Variants in ERC2 observed in about 807,000 individuals in gnomAD.
The protein encoded by ERC2 is ELKS/RAB6-interacting/CAST family member 2, also known as ERC protein 2.
Under a neutral mutation model 114.8 loss-of-function variants are expected in ERC2, and 42 were observed. The observed-to-expected ratio is 0.37, with a 90% CI of 0.29 to 0.47. ERC2 has a LOEUF of 0.47. Ranked by LOEUF, ERC2 falls within the 20% of genes least tolerant of loss-of-function variation. The pLI, the probability that ERC2 is intolerant of heterozygous loss-of-function variation, is 0.99. For synonymous variants in ERC2, 454 were observed against 425.5 expected (o/e 1.07, Z -0.82); for missense variants, 939 against 1,150.7 (o/e 0.82, Z 2.66).
chr3:55,934,241 G>A (rs2066301584), intron 13 of ERC2, among the ~76,000 whole-genome samples: 1 of 152,156 alleles, frequency 6.6e-6, no homozygotes, highest in Non-Finnish European at 1.5e-5. Flanking sequence ...CAGTGCAAAA[G>A]TATCAGAACA....
intron 2 of ERC2, among the ~76,000 whole-genome samples, chr3:56,417,086 T>C (rs745902365): frequency 5.3e-5 from 8 of 152,168 alleles, no homozygotes; most frequent in African/African-American, 1.7e-4. Context: ...ATGAGCAAAA[T>C]AGGCCAAAGT....
chr3:55,621,468 G>A (rs527239116), intron 17 of ERC2, among the ~76,000 whole-genome samples: 286 of 152,194 alleles, frequency 1.9e-3, no homozygotes, highest in African/African-American at 3.1e-3. Context: ...GTGAAATATC[G>A]CTTATCTACT....
At chr3:56,350,942 G>A (rs1042270830) in intron 2 of ERC2, among the ~76,000 whole-genome samples, 3 of 152,158 alleles carry the variant, frequency 2.0e-5, no homozygotes, top group African/African-American at 7.2e-5. Flanking sequence ...AAATTTTACA[G>A]GTGAGACTAC....
intron 3 of ERC2, among the ~76,000 whole-genome samples, chr3:56,208,406 G>C (rs73831906): frequency 3.3e-5 from 5 of 152,160 alleles, no homozygotes; most frequent in Non-Finnish European, 5.9e-5. Flanking sequence ...TTTGTTTACA[G>C]TTAAGTTCCA....
chr3:55,850,665 G>A (rs2061530828), intron 14 of ERC2, among the ~76,000 whole-genome samples: 1 of 152,056 alleles, frequency 6.6e-6, no homozygotes, highest in African/African-American at 2.4e-5. Flanking sequence ...AGAGAATGTT[G>A]GAAAATATAT....
chr3:56,213,278 G>A (rs1432261176), intron 3 of ERC2, among the ~76,000 whole-genome samples: 1 of 152,214 alleles, frequency 6.6e-6, no homozygotes, highest in Non-Finnish European at 1.5e-5. Context: ...AAGGAAAGGG[G>A]TGACAGATGG....
chr3:55,908,441 T>C (rs904350554), intron 13 of ERC2, among the ~76,000 whole-genome samples: 1 of 151,930 alleles, frequency 6.6e-6, no homozygotes, highest in Non-Finnish European at 1.5e-5. Flanking sequence ...CCAGGAAATG[T>C]TCAGAAAGCA....
intron 11 of ERC2, among the ~76,000 whole-genome samples, chr3:55,988,160 A>T (rs551479248): frequency 1.3e-5 from 2 of 152,322 alleles, no homozygotes; most frequent in East Asian, 3.9e-4. Flanking sequence ...CTGACACAGA[A>T]GCACTGCATA....
chr3:55,572,402 A>G (rs1028050216), intron 17 of ERC2, among the ~76,000 whole-genome samples: 2 of 152,202 alleles, frequency 1.3e-5, no homozygotes, highest in African/African-American at 4.8e-5. Flanking sequence ...TCAATCCTCA[A>G]TATCATCTCC....
chr3:55,525,466 G>C (rs1248047219), intron 17 of ERC2, among the ~76,000 whole-genome samples: 1 of 152,144 alleles, frequency 6.6e-6, no homozygotes, highest in Non-Finnish European at 1.5e-5. Context: ...TGTCAGAGAG[G>C]GCCAGCAAAC....
intron 12 of ERC2, among the ~76,000 whole-genome samples, chr3:55,962,147 A>C (rs1055205355): frequency 2.0e-5 from 3 of 152,252 alleles, no homozygotes; most frequent in African/African-American, 7.2e-5. Flanking sequence ...AAAGAAAAAA[A>C]AGCCTGGGTA....
In ERC2 at chr3:56,290,409, G is replaced by A. The variant is rs143170418; in HGVS notation, c.1074+5610C>T. 1.1e-3 allele frequency among the ~76,000 whole-genome samples: 170 copies of A among 152,318 alleles called. 5 individuals are homozygous for A. The East Asian group carries it at 0.031, about 27-fold the overall frequency. ...GAAATTTACTGTATTAAAATAGGGA[G>A]CAATTGTTAAGTTCTGTAATATGTA... On this transcript the variant is annotated intron_variant, in intron 3 of 17. Transcript: ENST00000288221.
intron 2 of ERC2, among the ~76,000 whole-genome samples, chr3:56,324,565 G>A (rs2057272555): frequency 1.3e-5 from 2 of 152,080 alleles, no homozygotes; most frequent in Non-Finnish European, 2.9e-5. Flanking sequence ...ATGAGTTATG[G>A]ACCCACTGTA....
chr3:56,374,139 G>A (rs988347668), intron 2 of ERC2, among the ~76,000 whole-genome samples: 17 of 152,070 alleles, frequency 1.1e-4, no homozygotes, highest in African/African-American at 3.6e-4. Flanking sequence ...CTCTGTCGCC[G>A]AGGCTGGAGT....
chr3:55,672,718 T>C (rs898554115), intron 17 of ERC2, among the ~76,000 whole-genome samples: 2 of 152,176 alleles, frequency 1.3e-5, no homozygotes, highest in Non-Finnish European at 2.9e-5. Context: ...AGAAAGCCAC[T>C]GTGCTGAAGG....
At chr3:56,021,104 A>C (rs1264210882) in intron 7 of ERC2, among the ~76,000 whole-genome samples, 1 of 152,192 alleles carries the variant, frequency 6.6e-6, no homozygotes, top group East Asian at 1.9e-4. Flanking sequence ...GGGATGCACC[A>C]CTTTAAGAAA....
At chr3:56,374,616 C>T (rs965465348) in intron 2 of ERC2, among the ~76,000 whole-genome samples, 3 of 152,066 alleles carry the variant, frequency 2.0e-5, no homozygotes, top group African/African-American at 7.2e-5. Context: ...TAAGTAACTT[C>T]CTGAAGGTCA....
chr3:56,323,039 G>C (rs1176300802), intron 2 of ERC2, among the ~76,000 whole-genome samples: 1 of 152,146 alleles, frequency 6.6e-6, no homozygotes, highest in South Asian at 2.1e-4. Context: ...TGGTCTGTCT[G>C]TACACACTGT....
At chr3:56,284,096 G>A (rs1337712122) in intron 3 of ERC2, among the ~76,000 whole-genome samples, 1 of 152,200 alleles carries the variant, frequency 6.6e-6, no homozygotes, top group Non-Finnish European at 1.5e-5. Context: ...ATCAGGCTAA[G>A]TTCAAAGATA....
Sources: allele counts gnomAD v4.1 joint callset (sites outside exome capture counted in the v4.1 genomes callset), GRCh38; gene constraint gnomAD v4.1.1; transcripts MANE v1.5; gene names NCBI Gene and HGNC (gene_info 2026-07-23, HGNC 2026-07-21).